The following GRID2 variants were observed in gnomAD, a reference collection of about 807,000 sequenced individuals.
GRID2 encodes glutamate receptor ionotropic, delta-2.
A neutral mutation model predicts 114.8 loss-of-function variants in GRID2; 33 were observed. The ratio of observed to expected loss-of-function variants is 0.29; its 90% CI spans 0.22 to 0.38. The LOEUF is 0.38. Among genes scored for constraint, GRID2 ranks in the 10% least tolerant of loss-of-function variants. The pLI is 1.00. For missense variants in GRID2, 1,184 were observed against 1,257.7 expected, an observed-to-expected ratio of 0.94 and a Z score of 0.89; for synonymous variants, 505 against 449.9, an observed-to-expected ratio of 1.12 and a Z score of -1.55.
At chr4:93,535,084 T>G (rs963090018) in intron 13 of GRID2, among the ~76,000 whole-genome samples, 1 of 152,042 alleles carries the variant, frequency 6.6e-6, no homozygotes, top group African/African-American at 2.4e-5. Flanking sequence ...TTTAATTTTT[T>G]TTAGATTCCA....
intron 1 of GRID2, among the ~76,000 whole-genome samples, chr4:92,577,641 A>C (rs908856274): frequency 6.6e-6 from 1 of 152,176 alleles, no homozygotes. Flanking sequence ...AGGACTTGGT[A>C]TGTGAAAAAA....
intron 2 of GRID2, among the ~76,000 whole-genome samples, chr4:92,927,224 A>T (rs903281637): frequency 6.6e-6 from 1 of 151,858 alleles, no homozygotes; most frequent in African/African-American, 2.4e-5. Flanking sequence ...GTTTTATTTC[A>T]TAAGAGAAAT....
chr4:92,918,194 T>C (rs2149499570), intron 2 of GRID2, among the ~76,000 whole-genome samples: 1 of 152,282 alleles, frequency 6.6e-6, no homozygotes, highest in South Asian at 2.1e-4. Context: ...TTTTTGCACA[T>C]TGATTTTGTA....
intron 8 of GRID2, among the ~76,000 whole-genome samples, chr4:93,328,294 T>A (rs1169166545): frequency 6.6e-6 from 1 of 152,118 alleles, no homozygotes; most frequent in Non-Finnish European, 1.5e-5. Flanking sequence ...CTGCAGCATA[T>A]CAGTGATATA....
intron 1 of GRID2, among the ~76,000 whole-genome samples, chr4:93,804,377 G>A (rs1327516624): frequency 2.0e-5 from 3 of 152,098 alleles, no homozygotes; most frequent in Non-Finnish European, 2.9e-5. Context: ...CCTACTACAC[G>A]CCTAGGTTAT....
chr4:93,603,216 A>G (rs1439655626), intron 13 of GRID2, among the ~76,000 whole-genome samples: 1 of 150,294 alleles, frequency 6.7e-6, no homozygotes. Flanking sequence ...ATCTCAAAAA[A>G]AAAGAAAAGA....
At chr4:92,552,069 T>C (rs1173261248) in intron 1 of GRID2, among the ~76,000 whole-genome samples, 1 of 152,030 alleles carries the variant, frequency 6.6e-6, no homozygotes, top group Non-Finnish European at 1.5e-5. Context: ...GACTGATACA[T>C]TCAAGATGAA....
At chr4:93,595,881 T>C (rs182897393) in intron 13 of GRID2, among the ~76,000 whole-genome samples, 31 of 152,366 alleles carry the variant, frequency 2.0e-4, no homozygotes, top group African/African-American at 5.5e-4. Flanking sequence ...TACCATGTAT[T>C]GATCGCCTAT....
At chr4:92,478,627 C>T (rs1256941657) in intron 1 of GRID2, among the ~76,000 whole-genome samples, 3 of 152,062 alleles carry the variant, frequency 2.0e-5, no homozygotes, top group Non-Finnish European at 4.4e-5. Flanking sequence ...ATTGCCAAAG[C>T]AAAAGTATGA....
chr4:92,628,960 T>A (rs1730657120), intron 2 of GRID2, among the ~76,000 whole-genome samples: 1 of 152,068 alleles, frequency 6.6e-6, no homozygotes, highest in Admixed American at 6.6e-5. Context: ...GGGTGGCAGG[T>A]GGCTGCTGGA....
At chr4:92,588,573 G>T (rs941060708) in intron 1 of GRID2, among the ~76,000 whole-genome samples, 1 of 150,942 alleles carries the variant, frequency 6.6e-6, no homozygotes, top group African/African-American at 2.4e-5. Context: ...CAGGTAATTG[G>T]GAGGCTGAGG....
intron 1 of GRID2, among the ~76,000 whole-genome samples, chr4:93,806,415 C>T (rs1027391242): frequency 2.4e-4 from 36 of 152,108 alleles, no homozygotes; most frequent in Non-Finnish European, 1.0e-4. Context: ...AGTCCTTATC[C>T]ACTCTAAACT....
In GRID2 at chr4:93,212,876, G is replaced by A. The variant is rs1047381343; in HGVS notation, c.790-3862G>A. On this transcript the variant is annotated intron_variant, in intron 5 of 15. Transcript: ENST00000282020. The stretch of plus-strand genomic sequence containing the variant: ...CAACCTCTTCCTCCTGGGTTCAAGC[G>A]ATTGTCCTGCCTCAGTCTCCCAAGT... Among the ~76,000 whole-genome samples the A allele has an allele frequency of 2.0e-5, 3 of 151,722 alleles. No individual in the cohort carries two copies. In the East Asian group the frequency reaches 5.9e-4, roughly 30 times the overall value.
chr4:92,985,711 C>T (rs761902076), intron 2 of GRID2, among the ~76,000 whole-genome samples: 1 of 152,136 alleles, frequency 6.6e-6, no homozygotes, highest in Admixed American at 6.5e-5. Flanking sequence ...ATATTACACT[C>T]TTTTCAATAC....
chr4:92,376,060 A>G (rs1006367350), intron 1 of GRID2, among the ~76,000 whole-genome samples: 16 of 152,128 alleles, frequency 1.1e-4, no homozygotes, highest in African/African-American at 3.9e-4. Flanking sequence ...GTATTATTGG[A>G]TTAGCCCTTC....
intron 2 of GRID2, among the ~76,000 whole-genome samples, chr4:92,629,542 A>G (rs1212234301): frequency 1.3e-5 from 2 of 152,144 alleles, no homozygotes; most frequent in Admixed American, 6.6e-5. Context: ...ATGGAATTGG[A>G]TATAACATGC....
At chr4:92,447,793 A>G (rs938480026) in intron 1 of GRID2, among the ~76,000 whole-genome samples, 2 of 152,130 alleles carry the variant, frequency 1.3e-5, no homozygotes, top group Admixed American at 1.3e-4. Flanking sequence ...CTCTTTTATA[A>G]AAGGACTAAT....
chr4:92,417,318 T>C (rs1198339340), intron 1 of GRID2, among the ~76,000 whole-genome samples: 1 of 152,048 alleles, frequency 6.6e-6, no homozygotes, highest in Non-Finnish European at 1.5e-5. Context: ...GAGAGCAAAA[T>C]ACTCTGAAAA....
chr4:93,689,623 T>C (rs1488962396), intron 14 of GRID2, among the ~76,000 whole-genome samples: 1 of 151,090 alleles, frequency 6.6e-6, no homozygotes, highest in Non-Finnish European at 1.5e-5. Flanking sequence ...CAAAAGAAAC[T>C]CAAAAAAAAA....
Sources: gnomAD v4.1 joint callset for allele counts (sites outside exome capture counted in the v4.1 genomes callset) on GRCh38, gnomAD v4.1.1 for gene constraint, MANE v1.5 for transcripts, NCBI Gene and HGNC (gene_info 2026-07-23, HGNC 2026-07-21) for gene names.